The following VPS13B variants were observed in gnomAD, a reference collection of about 807,000 sequenced individuals.
VPS13B encodes vacuolar protein sorting 13 homolog B, also known as intermembrane lipid transfer protein VPS13B.
Under a neutral mutation model 426.4 loss-of-function variants are expected in VPS13B, and 285 were observed. The observed-to-expected ratio is 0.67, with a 90% CI of 0.61 to 0.74. The LOEUF (loss-of-function observed/expected upper bound fraction) is 0.74, where lower values mean the gene tolerates loss of function less well. Ranked by LOEUF, VPS13B falls within the 30% of genes least tolerant of loss-of-function variation. VPS13B has a pLI of 0.00. For missense variants in VPS13B, 4,537 were observed against 4,782.6 expected (o/e 0.95, Z 1.51); for synonymous variants, 1,676 against 1,676.4 (o/e 1.00, Z 0.01).
At chr8:99,713,761 A>G (rs1477493627) in intron 36 of VPS13B, among the ~76,000 whole-genome samples, 1 of 152,204 alleles carries the variant, frequency 6.6e-6, no homozygotes, top group Non-Finnish European at 1.5e-5. Context: ...CCTTGGAGAA[A>G]TGGCTGGTGC....
intron 21 of VPS13B, among the ~76,000 whole-genome samples, chr8:99,409,408 G>A (rs187026648): frequency 7.9e-5 from 12 of 152,190 alleles, no homozygotes; most frequent in African/African-American, 2.2e-4. Context: ...GAGTATTGGG[G>A]CTGGAGGGAT....
chr8:99,297,250 T>A (rs2133061605), intron 19 of VPS13B, among the ~76,000 whole-genome samples: 1 of 152,306 alleles, frequency 6.6e-6, no homozygotes, highest in East Asian at 1.9e-4. Flanking sequence ...TTGGCTATTG[T>A]TTCATTTTAG....
At chr8:99,539,387 T>C (rs1823434451) in intron 30 of VPS13B, among the ~76,000 whole-genome samples, 1 of 152,220 alleles carries the variant, frequency 6.6e-6, no homozygotes. Flanking sequence ...AATGTAAATG[T>C]GATTTATTAA....
intron 9 of VPS13B, 53 bp downstream of exon 9, chr8:99,134,780 T>C (rs903612175): frequency 5.7e-5 from 81 of 1,416,914 alleles, no homozygotes; most frequent in Non-Finnish European, 7.3e-5. Flanking sequence ...CTTTAATATT[T>C]TATAAATACC....
chr8:99,573,921 C>T (rs1416464217), intron 31 of VPS13B, among the ~76,000 whole-genome samples: 8 of 152,210 alleles, frequency 5.3e-5, no homozygotes, highest in Middle Eastern at 3.4e-3. Flanking sequence ...ATTGATTCTT[C>T]CTATCCATGA....
At chr8:99,188,271 C>A (rs1473247103) in intron 16 of VPS13B, among the ~76,000 whole-genome samples, 1 of 151,866 alleles carries the variant, frequency 6.6e-6, no homozygotes, top group Admixed American at 6.6e-5. Context: ...ATTTTCAAAA[C>A]CTCAAAAAAG....
intron 19 of VPS13B, among the ~76,000 whole-genome samples, chr8:99,297,485 T>C (rs1820107530): frequency 6.6e-6 from 1 of 152,244 alleles, no homozygotes. Flanking sequence ...TCTAAGGGTT[T>C]GTGTAATAAG....
rs765163620 is a variant in VPS13B, at chr8:99,102,937, T to A, written c.413-16T>A. ...GAGATTTGTGGCTAATTAAATTCTTTTTTTCTATTTTATAGGTTATGTGCA... is the reference window on the plus strand; with the variant it reads ...GAGATTTGTGGCTAATTAAATTCTTATTTTCTATTTTATAGGTTATGTGCA... On this transcript the variant is annotated splice_polypyrimidine_tract_variant and intron_variant, in intron 4 of 61. Coordinates refer to ENST00000357162, the MANE Select transcript of VPS13B (RefSeq NM_152564.5). The A allele has an allele frequency of 1.3e-6, 2 of 1,588,410 alleles. No individual in the cohort carries two copies. The highest frequency in any genetic ancestry group is 1.7e-6 in the Non-Finnish European group (2 of 1,158,130).
intron 52 of VPS13B, among the ~76,000 whole-genome samples, chr8:99,832,918 TG>T (rs1181409482): frequency 6.6e-6 from 1 of 152,180 alleles, no homozygotes; most frequent in Non-Finnish European, 1.5e-5. Flanking sequence ...TGTCATTATA[TG>T]AAAAGATCAT....
At chr8:99,868,136 C>T (rs1329153863) in intron 58 of VPS13B, 153 bp from the exon 59 acceptor site, 1 of 873,808 alleles carries the variant, frequency 1.1e-6, no homozygotes, top group Non-Finnish European at 1.8e-6. Context: ...CCTTGGTGTA[C>T]TTAGATAACT....
At chr8:99,250,556 ACTGT>A (rs1208065224) in intron 17 of VPS13B, among the ~76,000 whole-genome samples, 1 of 97,926 alleles carries the variant, frequency 1.0e-5, no homozygotes, top group Admixed American at 9.1e-5. Context: ...GTTGAAAAAG[ACTGT>A]CTTTCTTTCA....
At chr8:99,145,072 A>T (rs1018005288) in intron 13 of VPS13B, among the ~76,000 whole-genome samples, 1 of 152,192 alleles carries the variant, frequency 6.6e-6, no homozygotes, top group Non-Finnish European at 1.5e-5. Flanking sequence ...ATATACAGGG[A>T]TACAAACAGG....
At chr8:99,481,896 G>A (rs1335044250) in intron 25 of VPS13B, 94 bp downstream of exon 25, 3 of 1,396,998 alleles carry the variant, frequency 2.1e-6, no homozygotes, top group Non-Finnish European at 3.0e-6. Flanking sequence ...CCTCACTACT[G>A]TGAAAACTGA....
At chr8:99,445,475 T>A (rs951325689) in intron 23 of VPS13B, among the ~76,000 whole-genome samples, 2 of 149,232 alleles carry the variant, frequency 1.3e-5, no homozygotes, top group African/African-American at 4.9e-5. Flanking sequence ...TGTAAATTAA[T>A]TAACTAAGTA....
intron 3 of VPS13B, among the ~76,000 whole-genome samples, chr8:99,070,016 C>T (rs187373123): frequency 2.0e-4 from 30 of 152,270 alleles, no homozygotes; most frequent in Admixed American, 2.0e-4. Flanking sequence ...TGATTCCCCC[C>T]GCCACGGCAT....
chr8:99,193,017 A>C lies in VPS13B; in HGVS notation c.2475A>C (p.Ala825=). Residue 825 remains alanine, a synonymous_variant, in exon 17 of 62, where the codon GCA becomes GCC. Transcript: ENST00000357162. ...ATCTTGGAAATGTCAGCTCTTCCGC[A>C]GTGATTGAAGCTTTGATAAATGAAA... ...WSHLGNVSSS[A]VIEALINEIF... is the part of the protein sequence containing the mutation. 1 of 1,613,766 alleles carries C rather than the reference A, an allele frequency of 6.2e-7. No homozygotes were observed. Among genetic ancestry groups the C allele is most frequent in the Non-Finnish European group, 8.5e-7 (1 of 1,179,838 alleles).
chr8:99,135,698 C>T lies in VPS13B; in HGVS notation c.1528C>T (p.Arg510Cys), dbSNP rs139141291. ...CCGAAGCCCAGAAAATAATGGTACT[C>T]GCGCAGAATTTATCTTGGATTCAAC... ...DYRSPENNGT[R>C]AEFILDSTHH... Residue 510 changes from arginine (R) to cysteine (C), a missense_variant, in exon 11 of 62, where the codon CGC (arginine) becomes TGC (cysteine). Physicochemically the swap from Arg to Cys is radical, Grantham distance 180. Coordinates refer to ENST00000357162, the MANE Select transcript of VPS13B (RefSeq NM_152564.5). The T allele has an allele frequency of 1.1e-4, 170 of 1,613,320 alleles. 3 individuals carry two copies. In the Middle Eastern group the frequency reaches 5.9e-3, roughly 56 times the overall value.
At chr8:99,492,371 C>A (rs1414659464) in intron 25 of VPS13B, among the ~76,000 whole-genome samples, 1 of 152,216 alleles carries the variant, frequency 6.6e-6, no homozygotes, top group Non-Finnish European at 1.5e-5. Context: ...GCTTGAATGA[C>A]ATGCTGAGAG....
At chr8:99,016,562 C>T (rs1355390185) in intron 2 of VPS13B, among the ~76,000 whole-genome samples, 67 of 62,470 alleles carry the variant, frequency 1.1e-3, no homozygotes, top group South Asian at 1.3e-3. Context: ...ATTGAGTTTT[C>T]TGTCTTATTG....
Sources: gnomAD v4.1 joint callset for allele counts (sites outside exome capture counted in the v4.1 genomes callset) on GRCh38, gnomAD v4.1.1 for gene constraint, MANE v1.5 for transcripts, NCBI Gene and HGNC (gene_info 2026-07-23, HGNC 2026-07-21) for gene names.